PKP4: variants seen among roughly 807,000 people sequenced by gnomAD.
PKP4 encodes the protein plakophilin 4.
PKP4 carries 90 observed loss-of-function variants against 145.1 expected under a neutral mutation model. The observed-to-expected ratio is 0.62, with a 90% CI of 0.52 to 0.74. PKP4 has a LOEUF of 0.74. Among genes scored for constraint, PKP4 ranks in the 30% least tolerant of loss-of-function variants. The pLI is 0.00. For missense variants in PKP4, 1,340 were observed against 1,482.7 expected, an observed-to-expected ratio of 0.90 and a Z score of 1.58; for synonymous variants, 563 against 577.2, an observed-to-expected ratio of 0.98 and a Z score of 0.35.
chr2:158,497,500 T>G (rs1258687688), intron 1 of PKP4, among the ~76,000 whole-genome samples: 1 of 152,218 alleles, frequency 6.6e-6, no homozygotes, highest in African/African-American at 2.4e-5. Flanking sequence ...AATTGTTTTC[T>G]TTTAATTCTC....
chr2:158,663,613 G>C (rs960427001), intron 15 of PKP4, among the ~76,000 whole-genome samples, 168 bp downstream of exon 15: 3 of 152,172 alleles, frequency 2.0e-5, no homozygotes, highest in Admixed American at 6.5e-5. Flanking sequence ...ACAAGCAGTT[G>C]CTCTGGGGAT....
intron 2 of PKP4, among the ~76,000 whole-genome samples, chr2:158,566,366 A>AT (rs1212057920): frequency 1.3e-5 from 2 of 152,088 alleles, no homozygotes; most frequent in African/African-American, 4.8e-5. Flanking sequence ...TTAGTTTTCC[A>AT]TTTCAGCAAA....
intron 4 of PKP4, among the ~76,000 whole-genome samples, chr2:158,620,662 AT>A (rs1490860906): frequency 6.6e-6 from 1 of 152,220 alleles, no homozygotes; most frequent in Non-Finnish European, 1.5e-5. Flanking sequence ...CTTGGTCTCC[AT>A]TCTCAGTCTT....
At chr2:158,524,481 A>G (rs1403198547) in intron 1 of PKP4, among the ~76,000 whole-genome samples, 1 of 121,912 alleles carries the variant, frequency 8.2e-6, no homozygotes, top group Non-Finnish European at 1.7e-5. Context: ...TCCTGAAGGA[A>G]GCACTAAACA....
chr2:158,522,585 C>G (rs1193950461), intron 1 of PKP4, among the ~76,000 whole-genome samples: 1 of 152,138 alleles, frequency 6.6e-6, no homozygotes, highest in Non-Finnish European at 1.5e-5. Flanking sequence ...AGAATTCAGT[C>G]TAATGGTATG....
intron 1 of PKP4, among the ~76,000 whole-genome samples, chr2:158,481,679 G>C (rs1003384116): frequency 6.6e-6 from 1 of 152,118 alleles, no homozygotes; most frequent in Non-Finnish European, 1.5e-5. Flanking sequence ...TTGACCATTT[G>C]TATGTCTTCT....
chr2:158,461,983 A>T (rs1689842763), intron 1 of PKP4, among the ~76,000 whole-genome samples: 1 of 152,188 alleles, frequency 6.6e-6, no homozygotes, highest in Admixed American at 6.5e-5. Context: ...CACAAAAATG[A>T]TACTGTATAT....
chr2:158,505,024 G>C (rs1697111380), intron 1 of PKP4, among the ~76,000 whole-genome samples: 1 of 152,192 alleles, frequency 6.6e-6, no homozygotes, highest in African/African-American at 2.4e-5. Flanking sequence ...GAGCTTAATA[G>C]TGTTTTCAGG....
chr2:158,607,577 T>C (rs528163648), intron 4 of PKP4, among the ~76,000 whole-genome samples: 1 of 152,146 alleles, frequency 6.6e-6, no homozygotes, highest in East Asian at 1.9e-4. Context: ...TGGGAGGGGC[T>C]TCAGACGGGG....
chr2:158,654,315 CT>C (rs1238209788), intron 11 of PKP4, among the ~76,000 whole-genome samples: 1 of 152,084 alleles, frequency 6.6e-6, no homozygotes, highest in African/African-American at 2.4e-5. Flanking sequence ...AGAACCTTTC[CT>C]TTTTTCTGAT....
At chr2:158,627,538 G>A (rs993317295) in intron 7 of PKP4, among the ~76,000 whole-genome samples, 1 of 151,942 alleles carries the variant, frequency 6.6e-6, no homozygotes, top group African/African-American at 2.4e-5. Context: ...AAGAAGCAAA[G>A]TGTTCTTGAT....
At chr2:158,535,005 C>G (rs1327360678) in intron 2 of PKP4, among the ~76,000 whole-genome samples, 3 of 152,136 alleles carry the variant, frequency 2.0e-5, no homozygotes, top group Non-Finnish European at 4.4e-5. Flanking sequence ...AATTGGAGTT[C>G]ATTAATATAT....
intron 2 of PKP4, among the ~76,000 whole-genome samples, chr2:158,534,834 G>T (rs981682085): frequency 1.3e-5 from 2 of 152,114 alleles, no homozygotes; most frequent in African/African-American, 4.8e-5. Context: ...GCAGTAAATA[G>T]TGTTCTGAAT....
At chr2:158,580,260 T>C (rs1036360437) in intron 3 of PKP4, among the ~76,000 whole-genome samples, 15 of 152,220 alleles carry the variant, frequency 9.9e-5, no homozygotes, top group African/African-American at 3.1e-4. Flanking sequence ...GGTAGTAGTT[T>C]CTGTCAGTGA....
At chr2:158,520,720 C>T (rs1375023782) in intron 1 of PKP4, among the ~76,000 whole-genome samples, 1 of 152,226 alleles carries the variant, frequency 6.6e-6, no homozygotes, top group African/African-American at 2.4e-5. Flanking sequence ...CCTCTCTCCA[C>T]AGAGGTAGCC....
At chr2:158,552,158 A>T (rs1360801394) in intron 2 of PKP4, among the ~76,000 whole-genome samples, 15 of 152,196 alleles carry the variant, frequency 9.9e-5, no homozygotes, top group Non-Finnish European at 1.9e-4. Context: ...GGAGGCAGGG[A>T]TTGGAGTGAT....
chr2:158,658,678 C>A, intron 12 of PKP4: 1 of 179,186 alleles, frequency 5.6e-6, no homozygotes, highest in South Asian at 1.7e-4. Flanking sequence ...ATGGTTAAAA[C>A]CATTTTGCTT....
chr2:158,528,908 T>C (rs915481731), intron 1 of PKP4, among the ~76,000 whole-genome samples: 4 of 152,190 alleles, frequency 2.6e-5, no homozygotes, highest in African/African-American at 9.7e-5. Flanking sequence ...GACAGTGTTA[T>C]ACAGTAGACA....
chr2:158,529,048 T>G (rs1038938064), intron 1 of PKP4, among the ~76,000 whole-genome samples: 21 of 152,178 alleles, frequency 1.4e-4, no homozygotes, highest in African/African-American at 5.1e-4. Context: ...TTCTACACTA[T>G]CCCTCCTGCA....
Sources: allele counts gnomAD v4.1 joint callset (sites outside exome capture counted in the v4.1 genomes callset), GRCh38; gene constraint gnomAD v4.1.1; transcripts MANE v1.5; gene names NCBI Gene and HGNC (gene_info 2026-07-23, HGNC 2026-07-21).